NAALADL2: variants seen among roughly 807,000 people sequenced by gnomAD.
NAALADL2 encodes the protein N-acetylated alpha-linked acidic dipeptidase like 2.
Under a neutral mutation model 87.2 loss-of-function variants are expected in NAALADL2, and 76 were observed. The ratio of observed to expected loss-of-function variants is 0.87; its 90% confidence interval spans 0.72 to 1.05. The LOEUF is 1.05. Among genes scored for constraint, NAALADL2 ranks in the 50% least tolerant of loss-of-function variants. The pLI, the probability that NAALADL2 is intolerant of heterozygous loss-of-function variation, is 0.00. For missense variants in NAALADL2, 1,089 were observed against 945.8 expected, an observed-to-expected ratio of 1.15 and a Z score of -1.99; for synonymous variants, 354 against 331.0, an observed-to-expected ratio of 1.07 and a Z score of -0.75.
chr3:175,082,149 G>A (rs1717989217), intron 1 of NAALADL2, among the ~76,000 whole-genome samples: 1 of 152,044 alleles, frequency 6.6e-6, no homozygotes, highest in African/African-American at 2.4e-5. Flanking sequence ...TGGCAATTTG[G>A]GGATTCATAC....
intron 2 of NAALADL2, among the ~76,000 whole-genome samples, chr3:174,587,888 C>A (rs141314827): frequency 9.9e-5 from 15 of 152,062 alleles, no homozygotes; most frequent in African/African-American, 1.4e-4. Flanking sequence ...ATCTTTGTGG[C>A]GTTCTCTGTA....
intron 1 of NAALADL2, among the ~76,000 whole-genome samples, chr3:174,497,095 C>A (rs1464555728): frequency 1.3e-5 from 2 of 152,022 alleles, no homozygotes; most frequent in African/African-American, 4.8e-5. Flanking sequence ...GTTATTTTGC[C>A]AAAACATTTT....
intron 4 of NAALADL2, among the ~76,000 whole-genome samples, chr3:175,322,073 C>A (rs1227050580): frequency 6.6e-6 from 1 of 150,986 alleles, no homozygotes; most frequent in East Asian, 2.0e-4. Context: ...CATCACGCTA[C>A]CTGACCTCAA....
At chr3:174,729,782 GATA>G (rs557506184) in intron 2 of NAALADL2, among the ~76,000 whole-genome samples, 7 of 151,760 alleles carry the variant, frequency 4.6e-5, no homozygotes, top group East Asian at 1.9e-4. Context: ...GAGTTGATAT[GATA>G]ATAATAGTAA....
At chr3:174,769,306 G>T (rs1262808075) in intron 3 of NAALADL2, among the ~76,000 whole-genome samples, 1 of 151,482 alleles carries the variant, frequency 6.6e-6, no homozygotes, top group African/African-American at 2.4e-5. Context: ...TTTTTTTTCT[G>T]TTTTTCTTTT....
chr3:174,912,321 T>C lies in NAALADL2; in HGVS notation c.43+52871T>C, dbSNP rs1199124648. On this transcript the variant is annotated intron_variant, in intron 1 of 13. Coordinates refer to ENST00000454872, the MANE Select transcript of NAALADL2 (RefSeq NM_207015.3). ...TCCATGTTTTAAATTTTTTTTTTTC[T>C]TTGAAAAAGCTCTGCAACTTCAGCA... is the stretch of plus-strand genomic sequence containing the variant. Among the ~76,000 whole-genome samples, 3 of 151,554 alleles carry C rather than the reference T, an allele frequency of 2.0e-5. No individual in the cohort carries two copies. The East Asian group carries it at 5.8e-4, about 29-fold the overall frequency.
intron 11 of NAALADL2, among the ~76,000 whole-genome samples, chr3:175,648,659 A>G (rs1274745991): frequency 6.6e-6 from 1 of 152,178 alleles, no homozygotes; most frequent in East Asian, 1.9e-4. Context: ...TTTTATTCTC[A>G]GATATGTATT....
chr3:174,541,109 C>T (rs964152798), intron 1 of NAALADL2, among the ~76,000 whole-genome samples: 3 of 152,148 alleles, frequency 2.0e-5, no homozygotes, highest in Non-Finnish European at 2.9e-5. Flanking sequence ...TCTTTAACTC[C>T]AAACTCTTAA....
chr3:175,603,038 C>T (rs149555687), intron 10 of NAALADL2, among the ~76,000 whole-genome samples: 323 of 152,124 alleles, frequency 2.1e-3, no homozygotes, highest in African/African-American at 7.6e-3. Flanking sequence ...TTGTATGTTA[C>T]CCAGGAATAG....
intron 1 of NAALADL2, among the ~76,000 whole-genome samples, chr3:174,990,612 A>G (rs1746597971): frequency 1.3e-5 from 2 of 152,176 alleles, no homozygotes; most frequent in South Asian, 2.1e-4. Context: ...AAAAGTCGAT[A>G]AAAACCAAAA....
intron 4 of NAALADL2, among the ~76,000 whole-genome samples, chr3:175,310,444 A>C (rs1391940418): frequency 6.6e-6 from 1 of 152,090 alleles, no homozygotes; most frequent in Non-Finnish European, 1.5e-5. Context: ...ACATTGACGT[A>C]TCAGAAAATG....
intron 1 of NAALADL2, among the ~76,000 whole-genome samples, chr3:175,048,645 A>G (rs1754982076): frequency 6.6e-6 from 1 of 152,062 alleles, no homozygotes; most frequent in African/African-American, 2.4e-5. Flanking sequence ...TATAGGATTG[A>G]ATTTTATGAT....
chr3:174,684,321 T>C lies in NAALADL2; in HGVS notation c.-114-53320T>C, dbSNP rs927582850. Among the ~76,000 whole-genome samples, 4 of 152,234 alleles carry C rather than the reference T, an allele frequency of 2.6e-5. No homozygotes were observed. The East Asian group carries it at 7.7e-4, about 29-fold the overall frequency. Reference sequence around the variant, plus strand: ...AACACGACTGAATGGGTATTCAAGATTATTAAAAGAATAAGTAACCATAAA... The same window carrying C: ...AACACGACTGAATGGGTATTCAAGACTATTAAAAGAATAAGTAACCATAAA... On this transcript the variant is annotated intron_variant, in intron 2 of 3. Coordinates refer to the NAALADL2 transcript ENST00000434257.
chr3:175,233,877 A>C lies in NAALADL2; in HGVS notation c.546-54A>C, dbSNP rs1745389892. ...TCATATATTGAGCAGTCATATCTCA[A>C]AAGAATAAAGTATTCTCCTTTTTAA... is the stretch of plus-strand genomic sequence containing the variant. On this transcript the variant is annotated intron_variant, in intron 2 of 13. Transcript: ENST00000454872. 7 of 1,057,232 alleles carry C rather than the reference A, an allele frequency of 6.6e-6. No individual in the cohort carries two copies. The East Asian group carries it at 1.8e-4, about 27-fold the overall frequency. The allele number at this position is 1,057,232 out of a possible 1,614,324, so 65.5% of individuals were successfully genotyped here.
intron 1 of NAALADL2, among the ~76,000 whole-genome samples, chr3:174,966,791 G>A (rs1177138506): frequency 6.6e-6 from 1 of 152,164 alleles, no homozygotes; most frequent in Non-Finnish European, 1.5e-5. Context: ...GGAATCATTA[G>A]CAATGAAATC....
chr3:175,069,771 A>G (rs1397666178), intron 1 of NAALADL2, among the ~76,000 whole-genome samples: 1 of 151,928 alleles, frequency 6.6e-6, no homozygotes, highest in Admixed American at 6.6e-5. Flanking sequence ...GCAAATGTCC[A>G]ACAATGATAG....
intron 1 of NAALADL2, among the ~76,000 whole-genome samples, chr3:174,888,792 G>A (rs1351733866): frequency 6.6e-6 from 1 of 152,134 alleles, no homozygotes; most frequent in Non-Finnish European, 1.5e-5. Context: ...TTATTATGGT[G>A]CTGTTTGAAT....
chr3:175,250,800 A>G (rs1266250162), intron 3 of NAALADL2, among the ~76,000 whole-genome samples: 1 of 152,264 alleles, frequency 6.6e-6, no homozygotes, highest in Non-Finnish European at 1.5e-5. Context: ...CAATGTTCCT[A>G]GCACATAATA....
intron 1 of NAALADL2, among the ~76,000 whole-genome samples, chr3:174,946,344 C>T (rs980586605): frequency 6.6e-6 from 1 of 152,024 alleles, no homozygotes; most frequent in African/African-American, 2.4e-5. Context: ...GTAATAGAAT[C>T]TATGGTAAAG....
Sources: gnomAD v4.1 joint callset for allele counts (sites outside exome capture counted in the v4.1 genomes callset) on GRCh38, gnomAD v4.1.1 for gene constraint, MANE v1.5 for transcripts, NCBI Gene and HGNC (gene_info 2026-07-23, HGNC 2026-07-21) for gene names.